The following FAM222B variants were observed in gnomAD, a reference collection of about 807,000 sequenced individuals.
FAM222B encodes the protein protein FAM222B.
Under a neutral mutation model 38.0 loss-of-function variants are expected in FAM222B, and 12 were observed. That is an observed-to-expected ratio of 0.32 (90% CI 0.20 to 0.51). The LOEUF (loss-of-function observed/expected upper bound fraction) is 0.51. Among genes scored for constraint, FAM222B ranks in the 20% least tolerant of loss-of-function variants. The pLI, the probability that FAM222B is intolerant of heterozygous loss-of-function variation, is 0.97. For missense variants in FAM222B, 716 were observed against 754.2 expected (o/e 0.95, Z 0.59); for synonymous variants, 329 against 317.2 (o/e 1.04, Z -0.40).
chr17:28,826,800 A>G (rs778764764), intron 1 of FAM222B, among the ~76,000 whole-genome samples: 2 of 151,998 alleles, frequency 1.3e-5, no homozygotes, highest in Non-Finnish European at 2.9e-5. Flanking sequence ...CTGAAAACAT[A>G]GTAGAAACTC....
At chr17:28,805,645 T>C (rs1769394656) in intron 1 of FAM222B, among the ~76,000 whole-genome samples, 1 of 151,218 alleles carries the variant, frequency 6.6e-6, no homozygotes, top group Non-Finnish European at 1.5e-5. Flanking sequence ...AGTGAGAACC[T>C]GTCTCAAAAA....
At chr17:28,837,289 G>A (rs1010640231) in intron 1 of FAM222B, among the ~76,000 whole-genome samples, 1 of 151,854 alleles carries the variant, frequency 6.6e-6, no homozygotes, top group Admixed American at 6.6e-5. Flanking sequence ...AATTAGCTGG[G>A]TGTGTTGGTG....
chr17:28,772,573 C>CAAAA (rs111471814), intron 1 of FAM222B, among the ~76,000 whole-genome samples: 1 of 93,056 alleles, frequency 1.1e-5, no homozygotes, highest in Non-Finnish European at 2.5e-5. Context: ...AAAAAAAATA[C>CAAAA]AAAAAAAAAA....
intron 2 of FAM222B, among the ~76,000 whole-genome samples, chr17:28,760,138 A>G (rs943677197): frequency 1.3e-5 from 2 of 152,250 alleles, no homozygotes; most frequent in African/African-American, 2.4e-5. Flanking sequence ...TTGCTGTAGA[A>G]GCAGGCACTA....
chr17:28,783,741 C>T (rs1018608467), intron 1 of FAM222B, among the ~76,000 whole-genome samples: 2 of 151,950 alleles, frequency 1.3e-5, no homozygotes, highest in African/African-American at 2.4e-5. Context: ...GAACTCCTGG[C>T]CTCAAATGAT....
At chr17:28,853,694 C>T (rs2039200212) in intron 1 of FAM222B, among the ~76,000 whole-genome samples, 1 of 152,070 alleles carries the variant, frequency 6.6e-6, no homozygotes, top group Non-Finnish European at 1.5e-5. Context: ...TGATGTATTC[C>T]CAGCACAGGA....
rs566207047 is a variant in FAM222B at position 28,815,899 on chromosome 17, G to A, written c.-41+26783C>T. On this transcript the variant is annotated intron_variant, in intron 1 of 2. Coordinates refer to ENST00000581407, the MANE Select transcript of FAM222B (RefSeq NM_001077498.3). ...GGAGAATCGCTTGAAACCGGGAGGC[G>A]CAGGTTGCAGTGAGCTGAGATCGTG... Among the ~76,000 whole-genome samples the A allele has an allele frequency of 1.5e-4, 22 of 151,128 alleles. No homozygotes were observed. The South Asian group carries it at 2.1e-3, about 14-fold the overall frequency.
At chr17:28,770,970 A>ATG (rs976905575) in intron 1 of FAM222B, among the ~76,000 whole-genome samples, 8 of 150,696 alleles carry the variant, frequency 5.3e-5, no homozygotes, top group African/African-American at 2.0e-4. Context: ...GTGTATAAAT[A>ATG]TGTGTGTGTA....
intron 1 of FAM222B, among the ~76,000 whole-genome samples, chr17:28,809,307 T>C (rs911036209): frequency 1.3e-5 from 2 of 149,384 alleles, no homozygotes; most frequent in African/African-American, 2.5e-5. Context: ...GCAGAGAGAT[T>C]GTGCCACTGC....
At chr17:28,811,799 T>C (rs2046759) in intron 1 of FAM222B, among the ~76,000 whole-genome samples, 28,748 of 152,152 alleles carry the variant, frequency 0.19, 2,856 homozygotes, top group South Asian at 0.3. Flanking sequence ...TCCTTTCAGA[T>C]TGTTATTGCT....
At chr17:28,798,979 T>G (rs910353939) in intron 1 of FAM222B, among the ~76,000 whole-genome samples, 24 of 150,608 alleles carry the variant, frequency 1.6e-4, no homozygotes, top group Non-Finnish European at 3.1e-4. Context: ...CCTGTTGTTT[T>G]TTTTTTCTTT....
At chr17:28,811,781 ACCT>A (rs2151926591) in intron 1 of FAM222B, among the ~76,000 whole-genome samples, 1 of 152,104 alleles carries the variant, frequency 6.6e-6, no homozygotes, top group South Asian at 2.1e-4. Context: ...TTCCACTAGC[ACCT>A]CCTCTCCTTT....
chr17:28,826,670 G>A (rs1192912709), intron 1 of FAM222B, among the ~76,000 whole-genome samples: 3 of 117,440 alleles, frequency 2.6e-5, no homozygotes, highest in Admixed American at 1.1e-4. Flanking sequence ...AACAAGAGCA[G>A]AACTCCGTCT....
chr17:28,810,057 T>C (rs1023886633), intron 1 of FAM222B, among the ~76,000 whole-genome samples: 1 of 151,980 alleles, frequency 6.6e-6, no homozygotes, highest in African/African-American at 2.4e-5. Context: ...AGTGCAGTGG[T>C]ACAACCTTGG....
upstream of FAM222B, among the ~76,000 whole-genome samples, chr17:28,843,051 C>T (rs1167990151): frequency 6.6e-6 from 1 of 152,156 alleles, no homozygotes; most frequent in African/African-American, 2.4e-5. Flanking sequence ...CACAGACTTA[C>T]TGGCTCTTCC....
intron 2 of FAM222B, among the ~76,000 whole-genome samples, chr17:28,764,379 T>C (rs1597849950): frequency 6.6e-6 from 1 of 150,442 alleles, no homozygotes; most frequent in Non-Finnish European, 1.5e-5. Context: ...GAGGCGGAGG[T>C]TGCAGTGAGC....
Position 28,759,240 on chromosome 17 carries a change from G to C in FAM222B, c.719C>G (p.Pro240Arg). 2 of 1,613,408 alleles carry C rather than the reference G, an allele frequency of 1.2e-6. No homozygotes were observed. Among genetic ancestry groups the C allele is most frequent in the South Asian group, 1.1e-5 (1 of 90,966 alleles). Reference protein sequence around the residue: ...GRKMPDSDAPPNVTVSTSTIP... With the variant: ...GRKMPDSDAPRNVTVSTSTIP... ...AGTTGAGGTAGACACGGTCACATTC[G>C]GGGGGGCATCTGAGTCTGGCATCTT... Residue 240 changes from proline to arginine, a missense_variant, in exon 3 of 3, where the codon CCG becomes CGG. Coordinates refer to ENST00000581407, the MANE Select transcript of FAM222B (RefSeq NM_001077498.3). The surrounding 1 kb of genome is among the most constrained non-coding windows in gnomAD (Gnocchi z 4.8).
In FAM222B at chr17:28,758,337, G is replaced by C. The variant is rs764236975; in HGVS notation, c.1622C>G (p.Pro541Arg). ...LAMLSKAHRA[P>R]GNRAPDPTES... is the part of the protein sequence containing the mutation. Reference sequence around the variant, plus strand: ...TGTGGGATCGGGGGCTCGGTTGCCAGGGGCTCGGTGGGCCTTGCTCAGCAT... The same window carrying C: ...TGTGGGATCGGGGGCTCGGTTGCCACGGGCTCGGTGGGCCTTGCTCAGCAT... The change falls in exon 3 of 3, where the codon CCT becomes CGT. Residue 541 changes from proline (P) to arginine (R), a missense_variant. Pro to Arg is a moderately radical substitution (Grantham distance 103). Coordinates refer to ENST00000581407, the MANE Select transcript of FAM222B (RefSeq NM_001077498.3). 1 of 1,611,916 alleles carries C rather than the reference G, an allele frequency of 6.2e-7. No individual in the cohort carries two copies. Among genetic ancestry groups the C allele is most frequent in the Admixed American group, 1.7e-5 (1 of 59,432 alleles).
Position 28,801,117 on chromosome 17 carries a change from A to G in FAM222B, c.-40-34410T>C, listed in dbSNP as rs1194885995. On this transcript the variant is annotated intron_variant, in intron 1 of 2. Coordinates refer to ENST00000581407, the MANE Select transcript of FAM222B (RefSeq NM_001077498.3). ...GGTTAAAGTGAGCCGAGATCGTGCC[A>G]CTGCACTCCAGCTTGGACGACAGAG... Among the ~76,000 whole-genome samples the G allele has an allele frequency of 4.7e-5, 7 of 149,216 alleles. No homozygotes were observed. The South Asian group carries it at 8.4e-4, about 18-fold the overall frequency.
Sources: gnomAD v4.1 joint callset for allele counts (sites outside exome capture counted in the v4.1 genomes callset) on GRCh38, gnomAD v4.1.1 for gene constraint, Gnocchi (gnomAD v3.1) non-coding constraint, MANE v1.5 for transcripts, NCBI Gene and HGNC (gene_info 2026-07-23, HGNC 2026-07-21) for gene names.